Variants in TMIGD3 observed in about 807,000 individuals in gnomAD.
TMIGD3 encodes transmembrane and immunoglobulin domain containing 3.
A neutral mutation model predicts 28.1 loss-of-function variants in TMIGD3; 21 were observed. That is an observed-to-expected ratio of 0.75 (90% confidence interval 0.53 to 1.08). TMIGD3 has a LOEUF of 1.08. Among genes scored for constraint, TMIGD3 ranks in the 50% least tolerant of loss-of-function variants. The pLI, the probability that TMIGD3 is intolerant of heterozygous loss-of-function variation, is 0.00. For synonymous variants in TMIGD3, 151 were observed against 162.1 expected (o/e 0.93, Z 0.52); for missense variants, 416 against 435.6 (o/e 0.96, Z 0.40).
intron 1 of TMIGD3, among the ~76,000 whole-genome samples, chr1:111,534,373 T>C (rs529835931): frequency 6.6e-6 from 1 of 152,306 alleles, no homozygotes; most frequent in Non-Finnish European, 1.5e-5. Flanking sequence ...CTTGGCATCC[T>C]GGGTTGTAGG....
At chr1:111,507,192 T>G (rs1655538244), upstream of TMIGD3, among the ~76,000 whole-genome samples, 2 of 151,580 alleles carry the variant, frequency 1.3e-5, no homozygotes, top group South Asian at 4.2e-4. Context: ...GAGGCTGAGG[T>G]GAGAGGATTG....
At chr1:111,543,947 T>C (rs1450646285) in intron 1 of TMIGD3, among the ~76,000 whole-genome samples, 1 of 152,158 alleles carries the variant, frequency 6.6e-6, no homozygotes, top group Non-Finnish European at 1.5e-5. Flanking sequence ...ATACTCCCAG[T>C]CCCTACTAGA....
intron 1 of TMIGD3, 30 bp from the exon 2 acceptor site, chr1:111,490,792 T>G: frequency 6.5e-7 from 1 of 1,530,510 alleles, no homozygotes; most frequent in East Asian, 2.3e-5. Context: ...ATGCTTGAGC[T>G]TAATATGGCT....
intron 1 of TMIGD3, among the ~76,000 whole-genome samples, chr1:111,534,310 G>A (rs1380166002): frequency 1.3e-5 from 2 of 152,138 alleles, no homozygotes; most frequent in Non-Finnish European, 2.9e-5. Flanking sequence ...CAAGGTGTAA[G>A]AAACTGTAGT....
At position 111,527,006 on chromosome 1, in the gene TMIGD3, C is replaced by CTTTTTT. The variant is rs71580580; in HGVS notation, c.108-36250_108-36245dup. 9.9e-4 allele frequency among the ~76,000 whole-genome samples: 87 copies of CTTTTTT among 87,734 alleles called. 5 individuals carry two copies. Among genetic ancestry groups the CTTTTTT allele is most frequent in the East Asian group, 4.6e-3 (11 of 2,366 alleles). The allele number at this position is 87,734 out of a possible 152,430, so 57.6% of individuals were successfully genotyped here. On this transcript the variant is annotated intron_variant, in intron 1 of 5. Coordinates refer to the TMIGD3 transcript ENST00000369717. Reference sequence around the variant, plus strand: ...ATATACATTTAAGTTTCCTCAATGTCTTTTTTTTTTTTTTTTTTTTTTGAG... The same window carrying CTTTTTT: ...ATATACATTTAAGTTTCCTCAATGTCTTTTTTTTTTTTTTTTTTTTTTTTTTTTGAG...
At chr1:111,527,742 A>G (rs1376822716) in intron 1 of TMIGD3, among the ~76,000 whole-genome samples, 1 of 152,198 alleles carries the variant, frequency 6.6e-6, no homozygotes, top group Non-Finnish European at 1.5e-5. Context: ...TGCAATTTCT[A>G]GTGACATATG....
chr1:111,490,631 G>A (rs1468030953), intron 2 of TMIGD3, 25 bp downstream of exon 2: 8 of 1,551,940 alleles, frequency 5.2e-6, no homozygotes, highest in Non-Finnish European at 7.1e-6. Context: ...TTAAAGGGCT[G>A]GAGCTGTTCC....
intron 1 of TMIGD3, among the ~76,000 whole-genome samples, chr1:111,553,541 C>G (rs887004995): frequency 6.6e-6 from 1 of 152,180 alleles, no homozygotes; most frequent in Non-Finnish European, 1.5e-5. Flanking sequence ...AACTTCTAGC[C>G]GGTATGCTGT....
At chr1:111,499,103 A>AAG (rs1180438593) in intron 1 of TMIGD3, among the ~76,000 whole-genome samples, 1 of 149,530 alleles carries the variant, frequency 6.7e-6, no homozygotes, top group Admixed American at 6.6e-5. Flanking sequence ...AAAAAAAAAG[A>AAG]AAAAAAAGAA....
At chr1:111,544,741 T>C (rs549303673) in intron 1 of TMIGD3, among the ~76,000 whole-genome samples, 7 of 151,948 alleles carry the variant, frequency 4.6e-5, no homozygotes, top group African/African-American at 9.7e-5. Context: ...ATTTTTGGTA[T>C]ATACCCAATT....
At chr1:111,536,854 T>G (rs1656657414) in intron 1 of TMIGD3, among the ~76,000 whole-genome samples, 1 of 152,074 alleles carries the variant, frequency 6.6e-6, no homozygotes, top group Non-Finnish European at 1.5e-5. Flanking sequence ...GGCCCAAGCT[T>G]TTTCACCTTC....
At position 111,488,732 on chromosome 1, in the gene TMIGD3, C is replaced by T. The variant is rs1158015398; in HGVS notation, c.750G>A (p.Glu250=). 6.2e-7 allele frequency: 1 copy of T among 1,614,200 alleles called. No homozygotes were observed. The highest frequency in any genetic ancestry group is 1.7e-5 in the Admixed American group (1 of 60,026). ...TTCCTTTGTCGTCAGTTACAATCAGCTCTGTAAAATCCATGTCATCCCTGG... is the reference window on the plus strand; with the variant it reads ...TTCCTTTGTCGTCAGTTACAATCAGTTCTGTAAAATCCATGTCATCCCTGG... ...DFARDDMDFT[E]LIVTDDKGTL... is the part of the protein sequence containing the mutation. Residue 250 remains glutamate (E), a synonymous_variant, in exon 3 of 6, where the codon GAG becomes GAA. Coordinates refer to ENST00000369716, the MANE Select transcript of TMIGD3 (RefSeq NM_020683.7).
At position 111,488,819 on chromosome 1, in the gene TMIGD3, A is replaced by G. The variant is rs757287297; in HGVS notation, c.663T>C (p.Thr221=). 6.2e-6 allele frequency: 10 copies of G among 1,614,212 alleles called. No individual in the cohort carries two copies. The highest frequency in any genetic ancestry group is 7.6e-6 in the Non-Finnish European group (9 of 1,180,032). Residue 221 remains threonine (T), a synonymous_variant, in exon 3 of 6, where the codon ACT becomes ACC. Coordinates refer to ENST00000369716, the MANE Select transcript of TMIGD3 (RefSeq NM_020683.7). ...TGTCCTCTTTGGTCAGGCAGGACAT[A>G]GTGACAATGAGCTGGTTCCCTGTGT... ...LRDTGNQLIV[T]MSCLTKEDTG... is the part of the protein sequence containing the mutation.
At chr1:111,545,637 A>G (rs895332171) in intron 1 of TMIGD3, among the ~76,000 whole-genome samples, 3 of 152,132 alleles carry the variant, frequency 2.0e-5, no homozygotes, top group African/African-American at 7.2e-5. Flanking sequence ...ATGAAGTCCA[A>G]CTTCTCTATT....
chr1:111,529,884 T>C (rs1253165941), intron 1 of TMIGD3, among the ~76,000 whole-genome samples: 2 of 150,940 alleles, frequency 1.3e-5, no homozygotes, highest in East Asian at 2.0e-4. Context: ...AGCTGTTGGG[T>C]ACACCTCCCA....
At chr1:111,562,406 G>A (rs1238147491) in intron 1 of TMIGD3, among the ~76,000 whole-genome samples, 2 of 152,098 alleles carry the variant, frequency 1.3e-5, no homozygotes, top group Non-Finnish European at 2.9e-5. Context: ...TTGTCTGTGT[G>A]GTTAAATTAA....
intron 1 of TMIGD3, 117 bp from the exon 2 acceptor site, chr1:111,490,879 T>G: frequency 1.4e-6 from 1 of 698,540 alleles, no homozygotes. Flanking sequence ...ATAGATACAC[T>G]GCACAATGCA....
chr1:111,500,025 A>C, intron 1 of TMIGD3: 1 of 1,614,202 alleles, frequency 6.2e-7, no homozygotes, highest in Non-Finnish European at 8.5e-7. Context: ...TGAGGATCAA[A>C]AGGTAGGTTT....
At chr1:111,540,024 T>C (rs1656763784) in intron 1 of TMIGD3, among the ~76,000 whole-genome samples, 1 of 152,200 alleles carries the variant, frequency 6.6e-6, no homozygotes, top group African/African-American at 2.4e-5. Context: ...TGAGACCAGA[T>C]ACACAGGGAA....
Sources: allele counts gnomAD v4.1 joint callset (sites outside exome capture counted in the v4.1 genomes callset), GRCh38; gene constraint gnomAD v4.1.1; transcripts MANE v1.5; gene names NCBI Gene and HGNC (gene_info 2026-07-23, HGNC 2026-07-21).